The following ABTB2 variants were observed in gnomAD, a reference collection of about 807,000 sequenced individuals.
The protein encoded by ABTB2 is ankyrin repeat and BTB domain containing 2.
A neutral mutation model predicts 104.1 loss-of-function variants in ABTB2; 56 were observed. The ratio of observed to expected loss-of-function variants is 0.54; its 90% confidence interval spans 0.43 to 0.67. ABTB2 has a LOEUF of 0.67. Ranked by LOEUF, ABTB2 falls within the 30% of genes least tolerant of loss-of-function variation. The probability of loss-of-function intolerance (pLI) is 0.00; values close to 1 mark genes in which losing one functional copy is unlikely to be tolerated. For synonymous variants in ABTB2, 606 were observed against 608.2 expected, an observed-to-expected ratio of 1.00 and a Z score of 0.05; for missense variants, 1,279 against 1,407.7, an observed-to-expected ratio of 0.91 and a Z score of 1.46.
At chr11:34,317,877 G>C (rs1854956767) in intron 1 of ABTB2, among the ~76,000 whole-genome samples, 1 of 151,888 alleles carries the variant, frequency 6.6e-6, no homozygotes, top group South Asian at 2.1e-4. Flanking sequence ...TGGGCTTCTA[G>C]CATACCTATC....
Position 34,356,401 on chromosome 11 carries a change from G to A in ABTB2, c.883+300C>T, listed in dbSNP as rs1855464615. Among the ~76,000 whole-genome samples the A allele has an allele frequency of 6.6e-6, 1 of 152,130 alleles. No individual in the cohort carries two copies. Among genetic ancestry groups the A allele is most frequent in the African/African-American group, 2.4e-5 (1 of 41,412 alleles). ...GGGCAGTAAGTTTCATTTCAAGAGA[G>A]GTTCAGGAATGGCTTGGTCAAGAGA... On this transcript the variant is annotated intron_variant, in intron 1 of 16. Coordinates refer to ENST00000435224, the MANE Select transcript of ABTB2 (RefSeq NM_145804.3). The surrounding 1 kb of genome is among the most constrained non-coding windows in gnomAD (Gnocchi z 4.6).
chr11:34,349,636 C>T (rs1590266739), intron 1 of ABTB2, among the ~76,000 whole-genome samples: 1 of 152,212 alleles, frequency 6.6e-6, no homozygotes, highest in South Asian at 2.1e-4. Flanking sequence ...ATTCTCACAA[C>T]CATCCTATGA....
chr11:34,272,867 C>A lies in ABTB2; in HGVS notation c.884-68177G>T, dbSNP rs185489829. Among the ~76,000 whole-genome samples, 13 of 152,154 alleles carry A rather than the reference C, an allele frequency of 8.5e-5. 1 individual carries two copies. The highest frequency in any genetic ancestry group is 3.1e-4 in the African/African-American group (13 of 41,494). ...TCAGAGCTGTGGTTAAGTGTACAGC[C>A]TCTAATTCCAGACTGTCTGAGTTCT... On this transcript the variant is annotated intron_variant, in intron 1 of 16. Coordinates refer to ENST00000435224, the MANE Select transcript of ABTB2 (RefSeq NM_145804.3).
Position 34,244,284 on chromosome 11 carries a change from C to T in ABTB2, c.884-39594G>A, listed in dbSNP as rs143928743. On this transcript the variant is annotated intron_variant, in intron 1 of 16. Transcript: ENST00000435224. ...CTTAGGAGATAAGAAGGCAATCTAT[C>T]AGGACTCCCCTGACCTTTGAAAACT... is the stretch of plus-strand genomic sequence containing the variant. Among the ~76,000 whole-genome samples, 1,401 of 152,130 alleles carry T rather than the reference C, an allele frequency of 9.2e-3. 29 individuals carry two copies. The highest frequency in any genetic ancestry group is 0.031 in the African/African-American group (1,275 of 41,482).
chr11:34,269,362 G>C (rs1854286620), intron 1 of ABTB2, among the ~76,000 whole-genome samples: 1 of 152,142 alleles, frequency 6.6e-6, no homozygotes, highest in Admixed American at 6.5e-5. Flanking sequence ...GAGATCTGAA[G>C]ATATTCCTTG....
At chr11:34,213,983 G>C (rs1047535112) in intron 1 of ABTB2, among the ~76,000 whole-genome samples, 16 of 152,138 alleles carry the variant, frequency 1.1e-4, no homozygotes, top group African/African-American at 3.9e-4. Flanking sequence ...CAGGGAGCAT[G>C]AGTCTTGGAA....
In ABTB2 at chr11:34,152,462, G is replaced by C. The variant is rs143317941; in HGVS notation, c.3003C>G (p.Gly1001=). 2.5e-5 allele frequency: 40 copies of C among 1,602,862 alleles called. No individual in the cohort carries two copies. The highest frequency in any genetic ancestry group is 3.2e-5 in the Non-Finnish European group (38 of 1,176,034). The change falls in exon 17 of 17, where the codon GGC becomes GGG. Residue 1001 remains glycine, a synonymous_variant. Coordinates refer to ENST00000435224, the MANE Select transcript of ABTB2 (RefSeq NM_145804.3). ...LIYGRSSKVQ[G]LDPLQDLQNT... ...TCTGCAGGTCCTGCAGTGGATCCAG[G>C]CCCTGCACTTTGCTGCTGCGGCCGT...
intron 9 of ABTB2, among the ~76,000 whole-genome samples, chr11:34,163,162 T>C (rs955039815): frequency 2.0e-4 from 30 of 152,316 alleles, no homozygotes; most frequent in Non-Finnish European, 4.4e-5. Context: ...GGTGTCACTA[T>C]ATCACACTTT....
intron 1 of ABTB2, among the ~76,000 whole-genome samples, chr11:34,340,914 G>A (rs1270765572): frequency 6.6e-6 from 1 of 152,202 alleles, no homozygotes; most frequent in Non-Finnish European, 1.5e-5. Context: ...AACAAGCTCA[G>A]TAGGAAAGAT....
Position 34,204,729 on chromosome 11 carries a change from G to A in ABTB2, c.884-39C>T, listed in dbSNP as rs74385557. The A allele has an allele frequency of 4.9e-3, 7,795 of 1,587,220 alleles. 303 individuals carry two copies. The African/African-American group carries it at 0.089, about 18-fold the overall frequency. On this transcript the variant is annotated intron_variant, in intron 1 of 16. Transcript: ENST00000435224. The stretch of plus-strand genomic sequence containing the variant: ...AGGCAGACAGGTCACACTTAGGAAG[G>A]AGTGGAAGTTCAGTGGGCCCCAGCC...
chr11:34,343,671 A>C (rs184578393), intron 1 of ABTB2, among the ~76,000 whole-genome samples: 14 of 132,570 alleles, frequency 1.1e-4, no homozygotes, highest in African/African-American at 3.5e-4. Context: ...ACAGGGTTTC[A>C]CCAAGTTGGC....
intron 1 of ABTB2, among the ~76,000 whole-genome samples, chr11:34,280,599 C>G (rs1012796310): frequency 7.9e-5 from 12 of 152,182 alleles, no homozygotes; most frequent in African/African-American, 2.4e-4. Flanking sequence ...CCACAATGAT[C>G]TGTCAACCCT....
intron 1 of ABTB2, among the ~76,000 whole-genome samples, chr11:34,327,361 T>C (rs1204092003): frequency 6.6e-6 from 1 of 152,174 alleles, no homozygotes; most frequent in Non-Finnish European, 1.5e-5. Context: ...ATGATATTTC[T>C]AGGGGAAAGG....
At chr11:34,176,092 C>T (rs1401301823) in intron 3 of ABTB2, among the ~76,000 whole-genome samples, 1 of 151,900 alleles carries the variant, frequency 6.6e-6, no homozygotes, top group Non-Finnish European at 1.5e-5. Flanking sequence ...CCAGCCTGCC[C>T]AATATGGTGA....
chr11:34,290,266 T>C (rs1854552757), intron 1 of ABTB2, among the ~76,000 whole-genome samples: 1 of 152,212 alleles, frequency 6.6e-6, no homozygotes, highest in African/African-American at 2.4e-5. Flanking sequence ...ATGAATAATT[T>C]GCATTTTCAA....
intron 1 of ABTB2, among the ~76,000 whole-genome samples, chr11:34,238,903 GC>G (rs1445088186): frequency 6.6e-6 from 1 of 152,090 alleles, no homozygotes; most frequent in Non-Finnish European, 1.5e-5. Flanking sequence ...ACAGGCGCGT[GC>G]CACCACACCT....
chr11:34,183,112 T>C (rs994779668), intron 3 of ABTB2, among the ~76,000 whole-genome samples: 4 of 152,158 alleles, frequency 2.6e-5, no homozygotes, highest in East Asian at 1.9e-4. Flanking sequence ...ACTTTTTTTT[T>C]CCTTTGAGTC....
chr11:34,266,115 C>T lies in ABTB2; in HGVS notation c.884-61425G>A, dbSNP rs561481446. 1.4e-4 allele frequency among the ~76,000 whole-genome samples: 21 copies of T among 152,326 alleles called. No homozygotes were observed. The East Asian group carries it at 3.9e-3, about 28-fold the overall frequency. On this transcript the variant is annotated intron_variant, in intron 1 of 16. Transcript: ENST00000435224. ...CTACTTATTTAGAGACAGGGTCTCACTCTGTCACCCAGGCTGGAGTGCAGT... is the reference window on the plus strand; with the variant it reads ...CTACTTATTTAGAGACAGGGTCTCATTCTGTCACCCAGGCTGGAGTGCAGT...
chr11:34,345,511 C>T (rs531314325), intron 1 of ABTB2, among the ~76,000 whole-genome samples: 11 of 152,288 alleles, frequency 7.2e-5, no homozygotes, highest in Admixed American at 6.5e-4. Flanking sequence ...CTGGCCTCTC[C>T]CCTACACAGT....
Sources: allele counts gnomAD v4.1 joint callset (sites outside exome capture counted in the v4.1 genomes callset), GRCh38; gene constraint gnomAD v4.1.1; non-coding constraint Gnocchi (gnomAD v3.1); transcripts MANE v1.5; gene names NCBI Gene and HGNC (gene_info 2026-07-23, HGNC 2026-07-21).